Variants in FAM110B observed in about 807,000 individuals in gnomAD.
The protein encoded by FAM110B is family with sequence similarity 110 member B, also known as protein FAM110B.
In FAM110B, 6 loss-of-function variants were observed where a neutral mutation model predicts 20.4. The ratio of observed to expected loss-of-function variants is 0.29; its 90% CI spans 0.16 to 0.58. The LOEUF (loss-of-function observed/expected upper bound fraction) is 0.58, where lower values mean the gene tolerates loss of function less well. FAM110B is among the 20% of genes least tolerant of loss of function. FAM110B has a pLI of 0.90. For synonymous variants in FAM110B, 226 were observed against 214.1 expected (o/e 1.06, Z -0.49); for missense variants, 434 against 498.2 (o/e 0.87, Z 1.23).
At chr8:58,138,750 C>T (rs527724405) in intron 3 of FAM110B, among the ~76,000 whole-genome samples, 5 of 152,340 alleles carry the variant, frequency 3.3e-5, no homozygotes, top group South Asian at 2.1e-4. Flanking sequence ...CCTGTCACAA[C>T]GTAGTGCATA....
At chr8:58,098,825 AC>A (rs1410306854) in intron 3 of FAM110B, 2 of 152,072 alleles carry the variant, frequency 1.3e-5, no homozygotes, top group Non-Finnish European at 2.9e-5. Context: ...GCGACGCCCA[AC>A]CCTGCTTCTG....
At chr8:58,134,980 T>C (rs184596772) in intron 3 of FAM110B, among the ~76,000 whole-genome samples, 42 of 152,270 alleles carry the variant, frequency 2.8e-4, no homozygotes, top group Admixed American at 4.6e-4. Flanking sequence ...TAAAATATAA[T>C]TAGTGTGGGT....
chr8:58,111,086 GAAT>G (rs200669822), intron 3 of FAM110B, among the ~76,000 whole-genome samples: 1,826 of 152,228 alleles, frequency 0.012, 24 homozygotes, highest in Middle Eastern at 0.02. Flanking sequence ...TTGGACTTCA[GAAT>G]AATATGAATG....
At chr8:58,057,118 TG>T (rs1805562198) in intron 2 of FAM110B, among the ~76,000 whole-genome samples, 1 of 152,236 alleles carries the variant, frequency 6.6e-6, no homozygotes, top group Admixed American at 6.5e-5. Flanking sequence ...GTGAGTCCAC[TG>T]CCACAACAGC....
At chr8:58,024,692 C>T (rs1313121297) in intron 1 of FAM110B, among the ~76,000 whole-genome samples, 1 of 152,138 alleles carries the variant, frequency 6.6e-6, no homozygotes, top group Non-Finnish European at 1.5e-5. Context: ...TTCCTTTGCC[C>T]ACTTTTTTAT....
intron 2 of FAM110B, among the ~76,000 whole-genome samples, chr8:58,066,847 G>C (rs1805778649): frequency 6.6e-6 from 1 of 152,090 alleles, no homozygotes; most frequent in South Asian, 2.1e-4. Flanking sequence ...TACTCATGTG[G>C]GCTGGGGCCC....
intron 1 of FAM110B, among the ~76,000 whole-genome samples, chr8:57,996,257 G>A (rs1453290820): frequency 6.6e-6 from 1 of 152,192 alleles, no homozygotes; most frequent in Admixed American, 6.5e-5. Flanking sequence ...GAGGTGGTTG[G>A]TGCCTTGTTA....
At position 58,147,242 on chromosome 8, in the gene FAM110B, G is replaced by T; in HGVS notation, c.1012G>T (p.Val338Leu). 6.2e-7 allele frequency: 1 copy of T among 1,614,082 alleles called. No homozygotes were observed. The highest frequency in any genetic ancestry group is 1.3e-5 in the African/African-American group (1 of 75,060). The change falls in exon 4 of 4, where the codon GTG (valine) becomes TTG (leucine). Residue 338 changes from valine (V) to leucine (L), a missense_variant. Physicochemically the swap from Val to Leu is conservative, Grantham distance 32. Transcript: ENST00000519262. ...AAATGATGACAGTGCCAATGACCGC[G>T]TGCCGTATGGCATTTCTGCCATCGA... Reference protein sequence around the residue: ...LRNDDSANDRVPYGISAIERN... With the variant: ...LRNDDSANDRLPYGISAIERN...
At chr8:58,058,566 G>A (rs1563354152) in intron 2 of FAM110B, among the ~76,000 whole-genome samples, 1 of 151,988 alleles carries the variant, frequency 6.6e-6, no homozygotes, top group African/African-American at 2.4e-5. Context: ...TTATTCTCAG[G>A]TCCTTATAAA....
rs1229144160 is a variant in FAM110B at position 58,092,397 on chromosome 8, C to T, written c.-325+16774C>T. On this transcript the variant is annotated intron_variant, in intron 3 of 3. Coordinates refer to ENST00000519262, the MANE Select transcript of FAM110B (RefSeq NM_001377989.1). ...TCTCCTAATGCTATTCCTTCCCTAA[C>T]CCCCTACCCCCCGACAGGCCATGGT... is the stretch of plus-strand genomic sequence containing the variant. Among the ~76,000 whole-genome samples, 4 of 152,106 alleles carry T rather than the reference C, an allele frequency of 2.6e-5. No individual in the cohort carries two copies. In the East Asian group the frequency reaches 7.7e-4, roughly 29 times the overall value.
intron 1 of FAM110B, among the ~76,000 whole-genome samples, chr8:58,014,572 A>G (rs1285140712): frequency 3.9e-5 from 6 of 152,256 alleles, no homozygotes; most frequent in African/African-American, 9.6e-5. Flanking sequence ...AAGTTCTCCC[A>G]GAGAAGATGA....
intron 2 of FAM110B, among the ~76,000 whole-genome samples, chr8:58,057,856 G>A (rs967597290): frequency 1.1e-4 from 17 of 152,350 alleles, no homozygotes; most frequent in African/African-American, 4.1e-4. Flanking sequence ...CTCAGTAAAG[G>A]TTAGCTATTC....
At chr8:58,050,683 G>A (rs1805420941) in intron 2 of FAM110B, among the ~76,000 whole-genome samples, 1 of 152,120 alleles carries the variant, frequency 6.6e-6, no homozygotes, top group Non-Finnish European at 1.5e-5. Context: ...TCTTTTCTGT[G>A]ACCAGCCAAA....
At chr8:58,033,991 C>G (rs1156671054) in intron 2 of FAM110B, among the ~76,000 whole-genome samples, 1 of 152,162 alleles carries the variant, frequency 6.6e-6, no homozygotes, top group Admixed American at 6.5e-5. Flanking sequence ...CCTCCCATCA[C>G]TGGATGCCCA....
intron 2 of FAM110B, among the ~76,000 whole-genome samples, chr8:58,038,808 T>C (rs895042815): frequency 3.3e-5 from 5 of 151,918 alleles, no homozygotes; most frequent in Admixed American, 1.3e-4. Flanking sequence ...ATATTAAAAG[T>C]GATGAGCTCT....
In FAM110B at chr8:58,133,350, TCA is replaced by T. The variant is rs775760305; in HGVS notation, c.-324-12553_-324-12552del. Among the ~76,000 whole-genome samples, 73 of 152,132 alleles carry T rather than the reference TCA, an allele frequency of 4.8e-4. 1 individual carries two copies. Among genetic ancestry groups the T allele is most frequent in the Non-Finnish European group, 1.8e-4 (12 of 68,036 alleles). Reference sequence around the variant, plus strand: ...AGGCACATCCTGAACTAAACACATGTCACACGAGAATCTCTACAAGGGATTCC... The same window carrying T: ...AGGCACATCCTGAACTAAACACATGTCACGAGAATCTCTACAAGGGATTCC... On this transcript the variant is annotated intron_variant, in intron 3 of 3. Transcript: ENST00000519262.
chr8:58,034,129 C>T (rs1178349909), intron 2 of FAM110B, among the ~76,000 whole-genome samples: 1 of 152,180 alleles, frequency 6.6e-6, no homozygotes, highest in Non-Finnish European at 1.5e-5. Flanking sequence ...ACACAGTGGG[C>T]TGCGGTAACT....
intron 1 of FAM110B, among the ~76,000 whole-genome samples, chr8:57,996,332 T>C (rs1028607051): frequency 6.6e-6 from 1 of 152,256 alleles, no homozygotes; most frequent in Non-Finnish European, 1.5e-5. Flanking sequence ...AATATTACTT[T>C]TAATTTTTCT....
At chr8:57,998,844 T>C (rs1050541170) in intron 1 of FAM110B, among the ~76,000 whole-genome samples, 8 of 152,258 alleles carry the variant, frequency 5.3e-5, no homozygotes, top group Admixed American at 2.0e-4. Context: ...TAAAACAACC[T>C]GAGTTTGTTT....
Sources: gnomAD v4.1 joint callset for allele counts (sites outside exome capture counted in the v4.1 genomes callset) on GRCh38, gnomAD v4.1.1 for gene constraint, MANE v1.5 for transcripts, NCBI Gene and HGNC (gene_info 2026-07-23, HGNC 2026-07-21) for gene names.